Variants in PRLR observed in about 807,000 individuals in gnomAD.
PRLR encodes the protein prolactin receptor.
In PRLR, 13 loss-of-function variants were observed where a neutral mutation model predicts 40.2. The observed-to-expected ratio is 0.32, with a 90% CI of 0.21 to 0.51. The LOEUF (loss-of-function observed/expected upper bound fraction) is 0.51, where lower values mean the gene tolerates loss of function less well. PRLR is among the 20% of genes least tolerant of loss of function. PRLR has a pLI of 0.97. For synonymous variants in PRLR, 269 were observed against 278.7 expected, an observed-to-expected ratio of 0.97 and a Z score of 0.35; for missense variants, 656 against 747.3, an observed-to-expected ratio of 0.88 and a Z score of 1.42.
intron 1 of PRLR, among the ~76,000 whole-genome samples, chr5:35,200,129 CA>C (rs1280280803): frequency 6.6e-6 from 1 of 152,178 alleles, no homozygotes; most frequent in Non-Finnish European, 1.5e-5. Context: ...GCATGTCTCG[CA>C]GAGCCTCATT....
intron 1 of PRLR, among the ~76,000 whole-genome samples, chr5:35,181,736 T>A (rs189412257): frequency 1.3e-5 from 2 of 152,328 alleles, no homozygotes; most frequent in African/African-American, 4.8e-5. Flanking sequence ...GAAAAGGCTC[T>A]TAGGAGAGAA....
intron 1 of PRLR, among the ~76,000 whole-genome samples, chr5:35,142,926 A>T (rs992476312): frequency 1.3e-5 from 2 of 152,246 alleles, no homozygotes; most frequent in Non-Finnish European, 2.9e-5. Flanking sequence ...CACCTACCAC[A>T]TAGGACTGTT....
intron 1 of PRLR, among the ~76,000 whole-genome samples, chr5:35,175,789 A>T (rs866571448): frequency 5.3e-5 from 8 of 152,132 alleles, no homozygotes; most frequent in Non-Finnish European, 1.2e-4. Context: ...AATCAAGAAT[A>T]CACTTTCTCT....
intron 1 of PRLR, among the ~76,000 whole-genome samples, chr5:35,197,417 G>A (rs962854902): frequency 1.1e-4 from 17 of 152,174 alleles, no homozygotes; most frequent in African/African-American, 1.4e-4. Flanking sequence ...ACCCAAGTGC[G>A]GGGTTCCCCC....
intron 6 of PRLR, among the ~76,000 whole-genome samples, chr5:35,071,184 C>T (rs905798962): frequency 7.2e-5 from 11 of 152,140 alleles, no homozygotes; most frequent in African/African-American, 2.7e-4. Context: ...CTAATCAAGT[C>T]TGGTTACAGG....
rs968607823 is a variant in PRLR at position 35,057,123 on chromosome 5, T to C, written c.*7966A>G. 1 of 152,196 alleles carries C rather than the reference T, an allele frequency of 6.6e-6. No individual in the cohort carries two copies. Among genetic ancestry groups the C allele is most frequent in the Non-Finnish European group, 1.5e-5 (1 of 68,026 alleles). The allele number at this position is 152,196 out of a possible 1,614,324, so 9.4% of individuals were successfully genotyped here. A position where few individuals can be genotyped will look rare whatever the true frequency, so the allele number is the denominator to read the frequency against. On this transcript the variant is annotated 3_prime_UTR_variant, in exon 10 of 10. Coordinates refer to ENST00000618457, the MANE Select transcript of PRLR (RefSeq NM_000949.7). ...CTTTGGTTCTTCCTTTATTTCACAA[T>C]ATTTAAATAAGCTTCTCTTATTGGA...
chr5:35,223,016 A>G (rs1776462070), intron 1 of PRLR, among the ~76,000 whole-genome samples: 1 of 152,244 alleles, frequency 6.6e-6, no homozygotes, highest in Admixed American at 6.5e-5. Flanking sequence ...GATCCACTAT[A>G]GGACACCCCC....
chr5:35,065,085 G>A lies in PRLR; in HGVS notation c.*4C>T. The A allele has an allele frequency of 6.2e-7, 1 of 1,604,380 alleles. No individual in the cohort carries two copies. ...TTTAACCAATCATTCCATTAGTCAAGCTATCAGTGAAAGGAGTGTGTAAAA... is the reference window on the plus strand; with the variant it reads ...TTTAACCAATCATTCCATTAGTCAAACTATCAGTGAAAGGAGTGTGTAAAA... On this transcript the variant is annotated 3_prime_UTR_variant, in exon 10 of 10. Transcript: ENST00000618457.
chr5:35,086,666 A>C (rs1770873706), intron 3 of PRLR, among the ~76,000 whole-genome samples: 1 of 152,102 alleles, frequency 6.6e-6, no homozygotes, highest in South Asian at 2.1e-4. Context: ...CCTTGAATGC[A>C]AGATAGACAC....
At chr5:35,102,851 TTTTAATGTC>T (rs374704497) in intron 2 of PRLR, among the ~76,000 whole-genome samples, 52 of 152,290 alleles carry the variant, frequency 3.4e-4, no homozygotes, top group African/African-American at 1.2e-3. Flanking sequence ...CTTTTTTCTT[TTTTAATGTC>T]TTTTTCTTTA....
At chr5:35,210,996 A>G (rs1316803094) in intron 1 of PRLR, among the ~76,000 whole-genome samples, 2 of 152,216 alleles carry the variant, frequency 1.3e-5, no homozygotes, top group East Asian at 3.8e-4. Context: ...TACAGGCATG[A>G]GCCACTGCGC....
At chr5:35,100,109 C>T (rs998879560) in intron 2 of PRLR, among the ~76,000 whole-genome samples, 7 of 144,068 alleles carry the variant, frequency 4.9e-5, no homozygotes, top group Non-Finnish European at 1.0e-4. Context: ...ACCTGGGAGG[C>T]GGAGTTTGCA....
chr5:35,115,700 G>T (rs1405169236), intron 2 of PRLR, among the ~76,000 whole-genome samples: 8 of 151,868 alleles, frequency 5.3e-5, no homozygotes, highest in Admixed American at 3.3e-4. Context: ...AATCTGGTAT[G>T]CCAGGCAAAG....
chr5:35,089,485 T>C (rs1237685969), intron 3 of PRLR, 66 bp downstream of exon 3: 12 of 1,103,552 alleles, frequency 1.1e-5, no homozygotes, highest in Admixed American at 3.4e-5. Context: ...GAAGACTGCA[T>C]GGACTCTCCA....
chr5:35,175,288 T>G (rs567678969), intron 1 of PRLR, among the ~76,000 whole-genome samples: 5 of 152,294 alleles, frequency 3.3e-5, no homozygotes, highest in Admixed American at 3.3e-4. Flanking sequence ...AGCAGGAGTT[T>G]CCCTGCACAA....
At chr5:35,084,407 G>A (rs1265373116) in intron 5 of PRLR, 63 bp downstream of exon 5, 4 of 1,429,016 alleles carry the variant, frequency 2.8e-6, no homozygotes, top group Non-Finnish European at 3.7e-6. Context: ...CTCAAACTGA[G>A]TGTGACTATT....
chr5:35,135,101 T>TTTTTG (rs71600972), intron 1 of PRLR, among the ~76,000 whole-genome samples: 21,888 of 149,678 alleles, frequency 0.15, 2,983 homozygotes, highest in African/African-American at 0.39. Flanking sequence ...TTTTTTTTTT[T>TTTTTG]TCTTAGAGAG....
At chr5:35,203,097 G>A (rs1167002048) in intron 1 of PRLR, among the ~76,000 whole-genome samples, 1 of 152,180 alleles carries the variant, frequency 6.6e-6, no homozygotes, top group Non-Finnish European at 1.5e-5. Context: ...AGAAGAGAAT[G>A]TCTGAGCTGG....
intron 5 of PRLR, among the ~76,000 whole-genome samples, chr5:35,080,988 C>T (rs1770473116): frequency 1.5e-5 from 2 of 131,502 alleles, no homozygotes; most frequent in African/African-American, 3.0e-5. Flanking sequence ...GGGAATTGAA[C>T]AATGAGAACA....
Sources: allele counts gnomAD v4.1 joint callset (sites outside exome capture counted in the v4.1 genomes callset), GRCh38; gene constraint gnomAD v4.1.1; transcripts MANE v1.5; gene names NCBI Gene and HGNC (gene_info 2026-07-23, HGNC 2026-07-21).